Variants in TLL2 observed in about 807,000 individuals in gnomAD.
TLL2 encodes the protein tolloid like 2, also known as tolloid-like protein 2.
TLL2 carries 106 observed loss-of-function variants against 123.0 expected under a neutral mutation model. That is an observed-to-expected ratio of 0.86 (90% confidence interval 0.74 to 1.01). The LOEUF is 1.01. Among genes scored for constraint, TLL2 ranks in the 50% least tolerant of loss-of-function variants. The pLI, the probability that TLL2 is intolerant of heterozygous loss-of-function variation, is 0.00. For synonymous variants in TLL2, 494 were observed against 516.8 expected (o/e 0.96, Z 0.60); for missense variants, 1,332 against 1,336.7 (o/e 1.00, Z 0.06).
rs988832970 is a variant in TLL2 at position 96,444,947 on chromosome 10, T to C, written c.364+1144A>G. 2.6e-5 allele frequency among the ~76,000 whole-genome samples: 4 copies of C among 152,168 alleles called. No homozygotes were observed. The East Asian group carries it at 7.7e-4, about 29-fold the overall frequency. On this transcript the variant is annotated intron_variant, in intron 3 of 20. Transcript: ENST00000357947. ...GCTCACGCCTGTAATCCCAGCACTT[T>C]GGGAGGCCGAGGCGGGCAGATCACG...
chr10:96,419,689 A>C (rs1324353727), intron 7 of TLL2, among the ~76,000 whole-genome samples: 1 of 152,178 alleles, frequency 6.6e-6, no homozygotes, highest in African/African-American at 2.4e-5. Context: ...ACCCCCTGAG[A>C]ACTTGGGATG....
Position 96,506,124 on chromosome 10 carries a change from C to A in TLL2, c.175+7387G>T, listed in dbSNP as rs1046356924. Among the ~76,000 whole-genome samples the A allele has an allele frequency of 9.2e-5, 14 of 151,656 alleles. No homozygotes were observed. In the South Asian group the frequency reaches 2.7e-3, roughly 29 times the overall value. On this transcript the variant is annotated intron_variant, in intron 1 of 20. Coordinates refer to ENST00000357947, the MANE Select transcript of TLL2 (RefSeq NM_012465.4). Reference sequence around the variant, plus strand: ...AAAATTAGCCAGGCATGGTGGCGGGCGTCTGTAATCCCAGCTACTCAGGAG... The same window carrying A: ...AAAATTAGCCAGGCATGGTGGCGGGAGTCTGTAATCCCAGCTACTCAGGAG...
chr10:96,508,780 G>T lies in TLL2; in HGVS notation c.175+4731C>A, dbSNP rs1847599594. On this transcript the variant is annotated intron_variant, in intron 1 of 20. Coordinates refer to ENST00000357947, the MANE Select transcript of TLL2 (RefSeq NM_012465.4). The stretch of plus-strand genomic sequence containing the variant: ...AGCCCTCTATTCCTGGATATTCAGG[G>T]AAGTTAATGCCTCGGGGAATGTGGC... 2.6e-5 allele frequency among the ~76,000 whole-genome samples: 4 copies of T among 152,052 alleles called. No homozygotes were observed. The South Asian group carries it at 6.2e-4, about 24-fold the overall frequency.
chr10:96,391,726 G>A (rs1392200397), intron 13 of TLL2, among the ~76,000 whole-genome samples: 1 of 152,178 alleles, frequency 6.6e-6, no homozygotes, highest in Non-Finnish European at 1.5e-5. Flanking sequence ...GATTTAATAG[G>A]TCTAGATGAG....
At position 96,378,920 on chromosome 10, in the gene TLL2, C is replaced by A. The variant is rs760801192; in HGVS notation, c.2320+47G>T. The stretch of plus-strand genomic sequence containing the variant: ...CACATGCACACAGGGGCATGGGGTG[C>A]GGCGAAGGGCAGCCCGCCCCCCCAA... On this transcript the variant is annotated intron_variant, in intron 17 of 20. Coordinates refer to ENST00000357947, the MANE Select transcript of TLL2 (RefSeq NM_012465.4). 4.4e-6 allele frequency: 7 copies of A among 1,607,054 alleles called. No individual in the cohort carries two copies. The East Asian group carries it at 1.3e-4, about 31-fold the overall frequency.
chr10:96,385,875 G>C (rs542850245), intron 15 of TLL2, among the ~76,000 whole-genome samples, 180 bp downstream of exon 15: 41 of 152,228 alleles, frequency 2.7e-4, no homozygotes, highest in African/African-American at 8.7e-4. Context: ...ATCTGCAGAG[G>C]GCGTGCGGCT....
chr10:96,429,972 T>C (rs1229345662), intron 4 of TLL2, among the ~76,000 whole-genome samples: 1 of 152,142 alleles, frequency 6.6e-6, no homozygotes, highest in African/African-American at 2.4e-5. Context: ...ATGAGAAGGA[T>C]CTAGGAAAAA....
intron 2 of TLL2, among the ~76,000 whole-genome samples, chr10:96,470,230 T>A (rs1045444073): frequency 3.3e-5 from 5 of 152,196 alleles, no homozygotes; most frequent in African/African-American, 1.2e-4. Flanking sequence ...TGAGAATTTC[T>A]CTTGCTGCTG....
At chr10:96,475,857 C>A (rs115241424) in intron 2 of TLL2, among the ~76,000 whole-genome samples, 4 of 152,026 alleles carry the variant, frequency 2.6e-5, no homozygotes, top group Admixed American at 6.5e-5. Context: ...GGGTCTTTCC[C>A]ATGCTGTTCT....
At chr10:96,395,604 C>T (rs1056679543) in intron 12 of TLL2, among the ~76,000 whole-genome samples, 5 of 152,162 alleles carry the variant, frequency 3.3e-5, no homozygotes, top group Non-Finnish European at 7.4e-5. Flanking sequence ...TAGAGAAGAA[C>T]AATTCTACCA....
intron 1 of TLL2, among the ~76,000 whole-genome samples, chr10:96,510,597 C>G (rs546649248): frequency 6.6e-5 from 10 of 152,226 alleles, no homozygotes; most frequent in South Asian, 2.1e-4. Flanking sequence ...AGGAATCATC[C>G]CCATTTACAA....
chr10:96,442,996 T>C (rs61857570), intron 3 of TLL2, among the ~76,000 whole-genome samples: 10,115 of 152,296 alleles, frequency 0.066, 419 homozygotes, highest in African/African-American at 0.12. Context: ...TCCAAAGTCA[T>C]AGCTACTAAG....
intron 5 of TLL2, among the ~76,000 whole-genome samples, chr10:96,427,181 T>C (rs899484006): frequency 6.6e-6 from 1 of 152,222 alleles, no homozygotes; most frequent in African/African-American, 2.4e-5. Context: ...TTTGTTATTA[T>C]GTTATGTCCA....
chr10:96,379,861 G>T (rs969495187), intron 16 of TLL2, among the ~76,000 whole-genome samples: 1 of 152,176 alleles, frequency 6.6e-6, no homozygotes, highest in Non-Finnish European at 1.5e-5. Context: ...GGAAACTGAC[G>T]CTGAGAATGG....
chr10:96,464,413 T>A (rs1362095621), intron 2 of TLL2, among the ~76,000 whole-genome samples: 2 of 151,346 alleles, frequency 1.3e-5, no homozygotes, highest in African/African-American at 4.9e-5. Context: ...AATTAAACAT[T>A]AAAAAAAGAA....
At chr10:96,503,473 G>A (rs1244238062) in intron 1 of TLL2, among the ~76,000 whole-genome samples, 2 of 152,200 alleles carry the variant, frequency 1.3e-5, no homozygotes, top group South Asian at 2.1e-4. Context: ...AATAAGGGGG[G>A]CAGAGGCAGG....
At chr10:96,405,511 C>G (rs1324937297) in intron 9 of TLL2, among the ~76,000 whole-genome samples, 177 bp from the exon 10 acceptor site, 1 of 152,090 alleles carries the variant, frequency 6.6e-6, no homozygotes, top group Admixed American at 6.5e-5. Flanking sequence ...AAATAATAAA[C>G]CTTAAGCAGG....
chr10:96,416,629 G>A (rs55716283), intron 7 of TLL2, among the ~76,000 whole-genome samples: 1,732 of 152,250 alleles, frequency 0.011, 34 homozygotes, highest in African/African-American at 0.039. Context: ...TTAAATTATA[G>A]AGCTAAGAAC....
chr10:96,369,926 G>A, intron 20 of TLL2, 139 bp downstream of exon 20: 8 of 1,237,974 alleles, frequency 6.5e-6, no homozygotes, highest in Non-Finnish European at 8.6e-6. Flanking sequence ...TTCCCACTCC[G>A]CTTCTGCAGA....
Sources: gnomAD v4.1 joint callset for allele counts (sites outside exome capture counted in the v4.1 genomes callset) on GRCh38, gnomAD v4.1.1 for gene constraint, MANE v1.5 for transcripts, NCBI Gene and HGNC (gene_info 2026-07-23, HGNC 2026-07-21) for gene names.